PIK3C2B: variants seen among roughly 807,000 people sequenced by gnomAD.
PIK3C2B encodes the protein phosphatidylinositol 4-phosphate 3-kinase C2 domain-containing subunit beta.
Under a neutral mutation model 184.3 loss-of-function variants are expected in PIK3C2B, and 83 were observed. The ratio of observed to expected loss-of-function variants is 0.45; its 90% confidence interval spans 0.38 to 0.54. The LOEUF (loss-of-function observed/expected upper bound fraction) is 0.54, where lower values mean the gene tolerates loss of function less well. PIK3C2B is among the 20% of genes least tolerant of loss of function. The probability of loss-of-function intolerance (pLI) is 0.00; values close to 1 mark genes in which losing one functional copy is unlikely to be tolerated. For synonymous variants in PIK3C2B, 779 were observed against 837.6 expected (o/e 0.93, Z 1.21); for missense variants, 1,736 against 2,113.5 (o/e 0.82, Z 3.50).
chr1:204,493,876 A>G (rs1008258812), intron 1 of PIK3C2B, among the ~76,000 whole-genome samples: 1 of 152,186 alleles, frequency 6.6e-6, no homozygotes, highest in African/African-American at 2.4e-5. Flanking sequence ...GGAGAATCCA[A>G]TTCTACCCTC....
chr1:204,470,095 A>G (rs527380729), intron 1 of PIK3C2B, among the ~76,000 whole-genome samples: 2 of 151,940 alleles, frequency 1.3e-5, no homozygotes, highest in African/African-American at 4.8e-5. Flanking sequence ...ATTCATCTCT[A>G]CATGCCTCAT....
At position 204,432,409 on chromosome 1, in the gene PIK3C2B, G is replaced by C. The variant is rs765993899; in HGVS notation, c.3954-8C>G. 37 of 1,613,034 alleles carry C rather than the reference G, an allele frequency of 2.3e-5. No individual in the cohort carries two copies. Among genetic ancestry groups the C allele is most frequent in the Non-Finnish European group, 2.9e-5 (34 of 1,179,302 alleles). ...AGGCTGGACTCAATCAACCTGGCAG[G>C]AGGATAAGAAAAGAGGATATAACCA... On this transcript the variant is annotated splice_polypyrimidine_tract_variant and splice_region_variant and intron_variant, in intron 26 of 32. Transcript: ENST00000684373.
chr1:204,488,973 C>A (rs1426106150), intron 1 of PIK3C2B, among the ~76,000 whole-genome samples: 1 of 152,146 alleles, frequency 6.6e-6, no homozygotes, highest in South Asian at 2.1e-4. Flanking sequence ...ACTTTAAGAA[C>A]CACTTGTGTC....
intron 12 of PIK3C2B, among the ~76,000 whole-genome samples, chr1:204,453,811 T>C (rs538865670): frequency 6.6e-6 from 1 of 151,944 alleles, no homozygotes; most frequent in Admixed American, 6.5e-5. Context: ...TTCGCTCTTG[T>C]TGCCCAGGCT....
rs756929670 is a variant in PIK3C2B, at chr1:204,440,197, C to A, written c.3374G>T (p.Gly1125Val). ...CACCCCTACTCCCAACTGACCTCTG[C>A]CCCGGCCGGTGGAGAAGCAGCGGAA... Reference protein sequence around the residue: ...VIFRCFSTGRGRGMVEMIPNA... With the variant: ...VIFRCFSTGRVRGMVEMIPNA... Residue 1125 changes from glycine (G) to valine (V), a missense_variant, in exon 22 of 33, where the codon GGC becomes GTC. Physicochemically the swap from Gly to Val is moderately radical, Grantham distance 109. Around this residue, in one of 8 missense-constraint regions of PIK3C2B, gnomAD observed 289 missense variants for 380.4 expected, o/e 0.76. Coordinates refer to ENST00000684373, the MANE Select transcript of PIK3C2B (RefSeq NM_001377334.1). The A allele has an allele frequency of 6.2e-7, 1 of 1,611,934 alleles. No homozygotes were observed. Among genetic ancestry groups the A allele is most frequent in the South Asian group, 1.1e-5 (1 of 91,018 alleles).
chr1:204,452,701 C>T (rs1256906071), intron 12 of PIK3C2B, among the ~76,000 whole-genome samples: 1 of 133,798 alleles, frequency 7.5e-6, no homozygotes, highest in African/African-American at 2.8e-5. Context: ...GTTGCCCAGG[C>T]TATAGTGCAG....
At chr1:204,429,070 A>T (rs1237428853) in intron 29 of PIK3C2B, among the ~76,000 whole-genome samples, 1 of 151,072 alleles carries the variant, frequency 6.6e-6, no homozygotes, top group Non-Finnish European at 1.5e-5. Context: ...AAAAAAAAAA[A>T]TACAAAAATT....
rs886338412 is a variant in PIK3C2B at position 204,447,570 on chromosome 1, G to T, written c.2355C>A (p.Phe785Leu). 6.2e-7 allele frequency: 1 copy of T among 1,607,556 alleles called. No individual in the cohort carries two copies. The highest frequency in any genetic ancestry group is 8.5e-7 in the Non-Finnish European group (1 of 1,178,466). The change falls in exon 15 of 33, where the codon TTC becomes TTA. Residue 785 changes from phenylalanine (F) to leucine (L), a missense_variant. Around this residue, in one of 8 missense-constraint regions of PIK3C2B, gnomAD observed 609 missense variants for 699.2 expected, o/e 0.87. Coordinates refer to ENST00000684373, the MANE Select transcript of PIK3C2B (RefSeq NM_001377334.1). This position sits in a 1 kb window ranked among gnomAD's most constrained non-coding sequence, Gnocchi z 4.1. ...ACTTGATGTCAAAGGCCGAGGTGGG[G>T]AAGTCAATCTGGGGGATGAGATCAG... is the stretch of plus-strand genomic sequence containing the variant. ...QPDSVILQID[F>L]PTSAFDIKFT...
intron 20 of PIK3C2B, 42 bp from the exon 21 acceptor site, chr1:204,441,605 A>G (rs1675666131): frequency 7.0e-7 from 1 of 1,431,668 alleles, no homozygotes; most frequent in Admixed American, 1.7e-5. Context: ...AGAGTGGCCC[A>G]TGCCAGGAAA....
intron 1 of PIK3C2B, among the ~76,000 whole-genome samples, chr1:204,470,765 A>C (rs1366119778): frequency 6.6e-6 from 1 of 152,252 alleles, no homozygotes; most frequent in Non-Finnish European, 1.5e-5. Context: ...ATTTTTAAAA[A>C]TGTGATGTCT....
Position 204,448,782 on chromosome 1 carries a change from T to C in PIK3C2B, c.2346+403A>G, listed in dbSNP as rs189280024. Among the ~76,000 whole-genome samples the C allele has an allele frequency of 4.8e-3, 725 of 152,240 alleles. 7 individuals are homozygous for C. Among genetic ancestry groups the C allele is most frequent in the Non-Finnish European group, 5.8e-3 (394 of 67,998 alleles). ...CGTGACCAGCTCCTCCTCTTCTCCC[T>C]GGAGAATAGGTCCATCCTGCCAAAG... On this transcript the variant is annotated intron_variant, in intron 14 of 32. Coordinates refer to ENST00000684373, the MANE Select transcript of PIK3C2B (RefSeq NM_001377334.1).
At chr1:204,464,167 G>T (rs372187438) in intron 4 of PIK3C2B, 35 bp from the exon 5 acceptor site, 3 of 1,610,378 alleles carry the variant, frequency 1.9e-6, no homozygotes, top group Non-Finnish European at 2.5e-6. Context: ...CAATCATGAT[G>T]GATGTCAAGG....
chr1:204,487,565 G>A (rs776088380), intron 1 of PIK3C2B, among the ~76,000 whole-genome samples: 1 of 152,146 alleles, frequency 6.6e-6, no homozygotes, highest in Non-Finnish European at 1.5e-5. Context: ...TAGGATCAGA[G>A]GTTTGGAGGC....
rs770665264 is a variant in PIK3C2B at position 204,449,171 on chromosome 1, G to A, written c.2346+14C>T. ...GTCTTGCTGGTGACTGGGAGGGAAG[G>A]GCTAAAGCCTCACCTGCAGGATGAC... is the stretch of plus-strand genomic sequence containing the variant. On this transcript the variant is annotated intron_variant, in intron 14 of 32. Coordinates refer to ENST00000684373, the MANE Select transcript of PIK3C2B (RefSeq NM_001377334.1). The A allele has an allele frequency of 6.4e-6, 10 of 1,558,546 alleles. No individual in the cohort carries two copies. Among genetic ancestry groups the A allele is most frequent in the Non-Finnish European group, 8.8e-6 (10 of 1,133,860 alleles).
At chr1:204,429,863 G>T in intron 29 of PIK3C2B, 58 bp downstream of exon 29, 2 of 1,144,000 alleles carry the variant, frequency 1.7e-6, no homozygotes, top group Non-Finnish European at 2.6e-6. Flanking sequence ...TTCCACCTCT[G>T]CCTCCCCAAC....
chr1:204,427,551 G>A, intron 31 of PIK3C2B, 97 bp downstream of exon 31: 1 of 775,506 alleles, frequency 1.3e-6, no homozygotes, highest in Non-Finnish European at 2.3e-6. Context: ...AGACTGTGGT[G>A]GTTACCCATA....
intron 14 of PIK3C2B, 134 bp downstream of exon 14, chr1:204,449,051 C>T (rs938473083): frequency 1.0e-5 from 7 of 666,904 alleles, no homozygotes; most frequent in Non-Finnish European, 1.6e-5. Context: ...TCAGTTGCTT[C>T]AGTCACATCA....
intron 2 of PIK3C2B, among the ~76,000 whole-genome samples, chr1:204,466,036 G>A (rs1231119317): frequency 6.6e-6 from 1 of 152,218 alleles, no homozygotes; most frequent in Non-Finnish European, 1.5e-5. Context: ...TGTGGTGGTA[G>A]GATTCTCAGA....
At chr1:204,459,120 G>T (rs779372716) in intron 8 of PIK3C2B, among the ~76,000 whole-genome samples, 2 of 152,056 alleles carry the variant, frequency 1.3e-5, no homozygotes, top group Admixed American at 6.6e-5. Flanking sequence ...GGGCTCAAGC[G>T]ATCCTCCCAC....
Sources: gnomAD v4.1 joint callset for allele counts (sites outside exome capture counted in the v4.1 genomes callset) on GRCh38, gnomAD v4.1.1 for gene constraint, gnomAD v4.1.1 regional missense constraint, Gnocchi (gnomAD v3.1) non-coding constraint, MANE v1.5 for transcripts, NCBI Gene and HGNC (gene_info 2026-07-23, HGNC 2026-07-21) for gene names.